Variants in NSD3 observed in about 807,000 individuals in gnomAD.
NSD3 encodes the protein nuclear receptor binding SET domain protein 3.
A neutral mutation model predicts 160.8 loss-of-function variants in NSD3; 24 were observed. The ratio of observed to expected loss-of-function variants is 0.15; its 90% confidence interval spans 0.11 to 0.21. The LOEUF is 0.21. Ranked by LOEUF, NSD3 falls within the 10% of genes least tolerant of loss-of-function variation. The pLI is 1.00. For missense variants in NSD3, 1,157 were observed against 1,735.9 expected, an observed-to-expected ratio of 0.67 and a Z score of 5.93; for synonymous variants, 520 against 600.0, an observed-to-expected ratio of 0.87 and a Z score of 1.95.
In NSD3 at chr8:38,345,802, G is replaced by A. The variant is rs970598463; in HGVS notation, c.675+1695C>T. On this transcript the variant is annotated intron_variant, in intron 2 of 23. Coordinates refer to ENST00000317025, the MANE Select transcript of NSD3 (RefSeq NM_023034.2). ...GTATGCCTGTAGTCCCCAGCTACTC[G>A]GGAGGCTGAGGCAGGAGAATTGCTT... 9.2e-5 allele frequency among the ~76,000 whole-genome samples: 14 copies of A among 151,802 alleles called. 1 individual carries two copies. The highest frequency in any genetic ancestry group is 3.5e-3 in the Middle Eastern group (1 of 286).
chr8:38,310,477 G>C (rs1809506460), intron 12 of NSD3, among the ~76,000 whole-genome samples: 1 of 152,012 alleles, frequency 6.6e-6, no homozygotes. Flanking sequence ...ATGTTGCTAT[G>C]AATATGAATA....
intron 19 of NSD3, among the ~76,000 whole-genome samples, chr8:38,286,321 C>A (rs1808855562): frequency 6.6e-6 from 1 of 151,946 alleles, no homozygotes; most frequent in Admixed American, 6.6e-5. Context: ...ACACACACAC[C>A]CCAAAACAAA....
In NSD3 at chr8:38,350,135, G is replaced by A. The variant is rs183619959; in HGVS notation, c.-44-1920C>T. 3.9e-3 allele frequency among the ~76,000 whole-genome samples: 596 copies of A among 152,170 alleles called. 3 individuals are homozygous for A. The highest frequency in any genetic ancestry group is 6.8e-3 in the Middle Eastern group (2 of 294). ...AGTCTTTGCTATTGTGAGTACTGCC[G>A]CGATAAACATATGTGTGCGTGTGTC... On this transcript the variant is annotated intron_variant, in intron 1 of 23. Transcript: ENST00000317025.
chr8:38,362,307 T>C lies in NSD3; in HGVS notation c.-44-14092A>G, dbSNP rs950528407. Reference sequence around the variant, plus strand: ...TGGATTAACAATTTAAAAAGCTTAATATGTGCTAATACCATTAAGCAGTAT... The same window carrying C: ...TGGATTAACAATTTAAAAAGCTTAACATGTGCTAATACCATTAAGCAGTAT... On this transcript the variant is annotated intron_variant, in intron 1 of 23. Transcript: ENST00000317025. 1.1e-3 allele frequency among the ~76,000 whole-genome samples: 139 copies of C among 123,474 alleles called. 1 individual carries two copies. Among genetic ancestry groups the C allele is most frequent in the Non-Finnish European group, 5.1e-4 (32 of 62,336 alleles). 81.0% of individuals were successfully genotyped at this position (123,474 alleles called of 152,430 possible). A position where few individuals can be genotyped will look rare whatever the true frequency, so the allele number is the denominator to read the frequency against.
In NSD3 at chr8:38,335,099, CTT is replaced by C. The variant is rs1810183934; in HGVS notation, c.910+2204_910+2205del. On this transcript the variant is annotated intron_variant, in intron 4 of 23. Transcript: ENST00000317025. Reference sequence around the variant, plus strand: ...CCACCTCCTGGGTTCAAGTGATTCTCTTGTCTCAGTCACCTGAGTGAGACCTT... The same window carrying C: ...CCACCTCCTGGGTTCAAGTGATTCTCGTCTCAGTCACCTGAGTGAGACCTT... Among the ~76,000 whole-genome samples the C allele has an allele frequency of 2.7e-5, 4 of 150,880 alleles. No homozygotes were observed. In the South Asian group the frequency reaches 8.4e-4, roughly 32 times the overall value.
chr8:38,314,091 C>T (rs1209478691), intron 12 of NSD3, among the ~76,000 whole-genome samples: 3 of 152,134 alleles, frequency 2.0e-5, no homozygotes, highest in East Asian at 1.9e-4. Flanking sequence ...TAAACAACTA[C>T]GACTTGCTTT....
chr8:38,279,931 C>A lies in NSD3; in HGVS notation c.3619-250G>T, dbSNP rs1204927920. 8 of 417,976 alleles carry A rather than the reference C, an allele frequency of 1.9e-5. No homozygotes were observed. The East Asian group carries it at 1.9e-4, about 10-fold the overall frequency. 25.9% of individuals were successfully genotyped at this position (417,976 alleles called of 1,614,324 possible). On this transcript the variant is annotated intron_variant, in intron 20 of 23. Coordinates refer to ENST00000317025, the MANE Select transcript of NSD3 (RefSeq NM_023034.2). Reference sequence around the variant, plus strand: ...AAGTTTGCTTCTAGAAACAAATAGACCATGGAATAATGCTATTTAGAAGAT... The same window carrying A: ...AAGTTTGCTTCTAGAAACAAATAGAACATGGAATAATGCTATTTAGAAGAT...
At chr8:38,364,207 G>A (rs892354683) in intron 1 of NSD3, among the ~76,000 whole-genome samples, 2 of 152,106 alleles carry the variant, frequency 1.3e-5, no homozygotes, top group African/African-American at 4.8e-5. Flanking sequence ...AACCTGGGAG[G>A]TGGAGGTTGC....
At chr8:38,340,378 C>T (rs2150380138) in intron 2 of NSD3, among the ~76,000 whole-genome samples, 1 of 152,260 alleles carries the variant, frequency 6.6e-6, no homozygotes, top group East Asian at 1.9e-4. Context: ...TCTGCTGTTG[C>T]CTAGGCTGGA....
chr8:38,310,753 C>T (rs1403510139), intron 12 of NSD3, among the ~76,000 whole-genome samples: 1 of 151,754 alleles, frequency 6.6e-6, no homozygotes, highest in Non-Finnish European at 1.5e-5. Context: ...CTCAAGCAAT[C>T]CGCTCGTCTT....
chr8:38,281,461 T>A lies in NSD3; in HGVS notation c.3618+6A>T. 1 of 1,401,314 alleles carries A rather than the reference T, an allele frequency of 7.1e-7. No individual in the cohort carries two copies. 86.8% of individuals were successfully genotyped at this position (1,401,314 alleles called of 1,614,324 possible). ...TTTTTCTTACAAAAAAAAAAAGCAA[T>A]TTTACCTTGGTAACAGTTAACATAT... is the stretch of plus-strand genomic sequence containing the variant. On this transcript the variant is annotated splice_donor_region_variant and intron_variant, in intron 20 of 23. Transcript: ENST00000317025.
chr8:38,376,733 G>C (rs527883848), intron 1 of NSD3, among the ~76,000 whole-genome samples: 3 of 152,088 alleles, frequency 2.0e-5, no homozygotes, highest in African/African-American at 7.2e-5. Context: ...CACTGCGCCC[G>C]GCCAGGCAGC....
In NSD3 at chr8:38,329,862, G is replaced by A; in HGVS notation, c.1097C>T (p.Ala366Val). 6.2e-7 allele frequency: 1 copy of A among 1,602,170 alleles called. No homozygotes were observed. The highest frequency in any genetic ancestry group is 8.5e-7 in the Non-Finnish European group (1 of 1,174,360). ...ATGGGCAATGCCAATATCCCACTGAGCACGTTCTCTCTGAGGTCGGGGTTT... is the reference window on the plus strand; with the variant it reads ...ATGGGCAATGCCAATATCCCACTGAACACGTTCTCTCTGAGGTCGGGGTTT... ...IRKPRPQRER[A>V]QWDIGIAHAE... Residue 366 changes from alanine to valine, a missense_variant, in exon 6 of 24, where the codon GCT becomes GTT. This residue lies in a region of NSD3 where 168 missense variants were observed against 208.1 expected (regional missense o/e 0.81). Transcript: ENST00000317025. The surrounding 1 kb of genome is among the most constrained non-coding windows in gnomAD (Gnocchi z 4.8).
chr8:38,373,691 A>G (rs1811313181), intron 1 of NSD3, among the ~76,000 whole-genome samples: 1 of 152,004 alleles, frequency 6.6e-6, no homozygotes, highest in Admixed American at 6.6e-5. Flanking sequence ...AAATCCCAAT[A>G]AGCTACCCAT....
chr8:38,299,782 A>C (rs992078071), intron 14 of NSD3, 192 bp from the exon 15 acceptor site: 21 of 430,140 alleles, frequency 4.9e-5, no homozygotes, highest in African/African-American at 3.7e-4. Flanking sequence ...GAACTACTCA[A>C]TTCCTTATCC....
At position 38,341,629 on chromosome 8, in the gene NSD3, G is replaced by A. The variant is rs539348733; in HGVS notation, c.676-3022C>T. Among the ~76,000 whole-genome samples the A allele has an allele frequency of 2.6e-5, 4 of 152,158 alleles. No individual in the cohort carries two copies. In the South Asian group the frequency reaches 8.3e-4, roughly 32 times the overall value. Reference sequence around the variant, plus strand: ...GGAGGAAAGAACATTCCAGGAGGAAGGAGTAGCATGTGTGAGATACCTGAG... The same window carrying A: ...GGAGGAAAGAACATTCCAGGAGGAAAGAGTAGCATGTGTGAGATACCTGAG... On this transcript the variant is annotated intron_variant, in intron 2 of 23. Coordinates refer to ENST00000317025, the MANE Select transcript of NSD3 (RefSeq NM_023034.2).
At chr8:38,302,243 G>A (rs1809294249) in intron 14 of NSD3, among the ~76,000 whole-genome samples, 1 of 152,206 alleles carries the variant, frequency 6.6e-6, no homozygotes, top group Non-Finnish European at 1.5e-5. Flanking sequence ...AAACAGAAAT[G>A]ACTAAAGTGC....
chr8:38,328,050 A>G (rs887367389), intron 6 of NSD3, among the ~76,000 whole-genome samples: 7 of 152,128 alleles, frequency 4.6e-5, no homozygotes, highest in Non-Finnish European at 1.0e-4. Context: ...AAAAATTTTT[A>G]AAAGGTCTGG....
intron 1 of NSD3, among the ~76,000 whole-genome samples, chr8:38,359,568 C>CT (rs1251565005): frequency 2.0e-5 from 3 of 152,118 alleles, no homozygotes; most frequent in Admixed American, 6.6e-5. Context: ...GACCACGCCC[C>CT]TATGGTACCA....
Sources: gnomAD v4.1 joint callset for allele counts (sites outside exome capture counted in the v4.1 genomes callset) on GRCh38, gnomAD v4.1.1 for gene constraint, gnomAD v4.1.1 regional missense constraint, Gnocchi (gnomAD v3.1) non-coding constraint, MANE v1.5 for transcripts, NCBI Gene and HGNC (gene_info 2026-07-23, HGNC 2026-07-21) for gene names.